WDR41: variants seen among roughly 807,000 people sequenced by gnomAD.
WDR41 encodes the protein WD repeat domain 41, also known as WD repeat-containing protein 41.
WDR41 carries 63 observed loss-of-function variants against 69.3 expected under a neutral mutation model. The ratio of observed to expected loss-of-function variants is 0.91; its 90% CI spans 0.74 to 1.12. The LOEUF (loss-of-function observed/expected upper bound fraction) is 1.12. Ranked by LOEUF, WDR41 falls within the 50% of genes most tolerant of loss-of-function variation. The probability of loss-of-function intolerance (pLI) is 0.00; values close to 1 mark genes in which losing one functional copy is unlikely to be tolerated. For missense variants in WDR41, 543 were observed against 534.5 expected (o/e 1.02, Z -0.16); for synonymous variants, 185 against 192.1 (o/e 0.96, Z 0.31).
chr5:77,618,154 T>C (rs191254673), intron 1 of WDR41, among the ~76,000 whole-genome samples: 3 of 152,302 alleles, frequency 2.0e-5, no homozygotes, highest in Middle Eastern at 3.4e-3. Flanking sequence ...GAGGTTAGCA[T>C]CAATCACACT....
At chr5:77,565,853 G>T (rs1472325540) in intron 1 of WDR41, among the ~76,000 whole-genome samples, 1 of 152,180 alleles carries the variant, frequency 6.6e-6, no homozygotes, top group Non-Finnish European at 1.5e-5. Context: ...ATGAAAAGAA[G>T]AACCAAAAAT....
intron 1 of WDR41, among the ~76,000 whole-genome samples, chr5:77,504,241 T>TACAA (rs1802070512): frequency 6.6e-6 from 1 of 151,344 alleles, no homozygotes. Flanking sequence ...CAGAGAATAC[T>TACAA]ATACCTCTAT....
At chr5:77,511,731 A>T (rs1417905504) in intron 1 of WDR41, among the ~76,000 whole-genome samples, 1 of 152,142 alleles carries the variant, frequency 6.6e-6, no homozygotes, top group Admixed American at 6.6e-5. Flanking sequence ...AGAAAGGTGC[A>T]AGAATAGATG....
At chr5:77,433,719 T>C (rs1004808623) in intron 12 of WDR41, among the ~76,000 whole-genome samples, 1 of 151,728 alleles carries the variant, frequency 6.6e-6, no homozygotes, top group African/African-American at 2.4e-5. Context: ...ACTACGTTTA[T>C]GGTCCCTACC....
At chr5:77,580,726 T>C (rs2112289872) in intron 1 of WDR41, among the ~76,000 whole-genome samples, 1 of 152,002 alleles carries the variant, frequency 6.6e-6, no homozygotes, top group South Asian at 2.1e-4. Flanking sequence ...GAGGCCAAGG[T>C]GGGCAGATCA....
chr5:77,481,199 G>T (rs1213889269), intron 2 of WDR41, among the ~76,000 whole-genome samples: 1 of 151,954 alleles, frequency 6.6e-6, no homozygotes, highest in Admixed American at 6.6e-5. Context: ...TAGTAGAGAT[G>T]GAGTTTCACC....
At chr5:77,557,344 A>G (rs2217248) in intron 1 of WDR41, among the ~76,000 whole-genome samples, 44,674 of 152,036 alleles carry the variant, frequency 0.29, 8,491 homozygotes, top group African/African-American at 0.51. Context: ...CACCCTAAAA[A>G]TGAGCCCCCA....
intron 1 of WDR41, among the ~76,000 whole-genome samples, chr5:77,555,600 C>T (rs1408828519): frequency 3.3e-5 from 5 of 152,078 alleles, no homozygotes; most frequent in African/African-American, 1.2e-4. Context: ...GTGAGCCACC[C>T]CGCCTAGCCT....
chr5:77,508,779 A>G (rs1336065450), intron 1 of WDR41, among the ~76,000 whole-genome samples: 1 of 149,622 alleles, frequency 6.7e-6, no homozygotes, highest in Middle Eastern at 3.2e-3. Context: ...TTGCTAAACT[A>G]TTTTAGTGGT....
upstream of WDR41, chr5:77,492,358 A>G (rs920871944): frequency 2.6e-6 from 3 of 1,159,662 alleles, no homozygotes; most frequent in Non-Finnish European, 3.6e-6. Flanking sequence ...CCACGGGCCG[A>G]AGGAATGCAG....
At chr5:77,463,470 GTATT>G (rs1433473539) in intron 3 of WDR41, among the ~76,000 whole-genome samples, 1 of 151,754 alleles carries the variant, frequency 6.6e-6, no homozygotes, top group African/African-American at 2.4e-5. Flanking sequence ...AAAATTTTGA[GTATT>G]TTTTTCTATA....
chr5:77,489,115 T>G (rs1801652093), intron 2 of WDR41, among the ~76,000 whole-genome samples: 1 of 152,194 alleles, frequency 6.6e-6, no homozygotes, highest in Non-Finnish European at 1.5e-5. Context: ...CTTAGCATAT[T>G]TGTTTCTCAA....
intron 1 of WDR41, among the ~76,000 whole-genome samples, chr5:77,490,432 G>GTT (rs1801723418): frequency 6.6e-6 from 1 of 152,138 alleles, no homozygotes; most frequent in African/African-American, 2.4e-5. Context: ...AATCACCCCA[G>GTT]TTGAGAACCA....
intron 1 of WDR41, among the ~76,000 whole-genome samples, chr5:77,555,952 A>T (rs1365341777): frequency 6.6e-6 from 1 of 152,194 alleles, no homozygotes; most frequent in African/African-American, 2.4e-5. Flanking sequence ...GCCTTACCAG[A>T]TATCAGGTGT....
chr5:77,582,285 A>C (rs971021352), intron 1 of WDR41: 9 of 1,259,486 alleles, frequency 7.1e-6, no homozygotes, highest in Non-Finnish European at 9.0e-6. Flanking sequence ...ACTCTGGCTC[A>C]GCAAGAAAGT....
intron 1 of WDR41, among the ~76,000 whole-genome samples, chr5:77,502,283 C>T (rs1412258787): frequency 6.6e-6 from 1 of 151,318 alleles, no homozygotes; most frequent in African/African-American, 2.4e-5. Flanking sequence ...GATTGAAGAT[C>T]AAATTAATGA....
At chr5:77,594,562 T>G (rs35728880) in intron 1 of WDR41, among the ~76,000 whole-genome samples, 1 of 152,090 alleles carries the variant, frequency 6.6e-6, no homozygotes, top group Non-Finnish European at 1.5e-5. Flanking sequence ...GGAAATAACA[T>G]GCTTGGGCAG....
intron 1 of WDR41, among the ~76,000 whole-genome samples, chr5:77,510,569 GT>G (rs1359783793): frequency 6.6e-6 from 1 of 152,132 alleles, no homozygotes; most frequent in Non-Finnish European, 1.5e-5. Context: ...CACTTGCTTA[GT>G]GTTTTCAGGT....
intron 6 of WDR41, 37 bp downstream of exon 6, chr5:77,453,780 G>C (rs17751147): frequency 0.037 from 55,387 of 1,510,052 alleles, 3,604 homozygotes; most frequent in East Asian, 0.26. Context: ...CTTCTAGTCT[G>C]TCAATCATAG....
Sources: allele counts gnomAD v4.1 joint callset (sites outside exome capture counted in the v4.1 genomes callset), GRCh38; gene constraint gnomAD v4.1.1; transcripts MANE v1.5; gene names NCBI Gene and HGNC (gene_info 2026-07-23, HGNC 2026-07-21).